TCF7L2: variants seen among roughly 807,000 people sequenced by gnomAD.
TCF7L2 encodes the protein transcription factor 7-like 2.
In TCF7L2, 23 loss-of-function variants were observed where a neutral mutation model predicts 77.9. That is an observed-to-expected ratio of 0.30 (90% confidence interval 0.21 to 0.42). The LOEUF is 0.42. Ranked by LOEUF, TCF7L2 falls within the 10% of genes least tolerant of loss-of-function variation. The pLI, the probability that TCF7L2 is intolerant of heterozygous loss-of-function variation, is 1.00. For synonymous variants in TCF7L2, 413 were observed against 340.2 expected (o/e 1.21, Z -2.36); for missense variants, 654 against 793.1 (o/e 0.82, Z 2.11).
chr10:113,051,203 C>CCCCA (rs1554977842), intron 5 of TCF7L2, among the ~76,000 whole-genome samples: 1 of 140,390 alleles, frequency 7.1e-6, no homozygotes. Context: ...TGCATACACA[C>CCCCA]CACACACACA....
rs181893384 is a variant in TCF7L2 at position 113,044,040 on chromosome 10, G to A, written c.552+3914G>A. ...CAAAAGTTCCTACAATTTTATCTTGGGGGTTTCCTTTTGAAGTCGATGTAG... is the reference window on the plus strand; with the variant it reads ...CAAAAGTTCCTACAATTTTATCTTGAGGGTTTCCTTTTGAAGTCGATGTAG... On this transcript the variant is annotated intron_variant, in intron 5 of 13. Coordinates refer to ENST00000627217, the MANE Select transcript of TCF7L2 (RefSeq NM_001146274.2). Among the ~76,000 whole-genome samples, 397 of 152,262 alleles carry A rather than the reference G, an allele frequency of 2.6e-3. 1 individual carries two copies. The highest frequency in any genetic ancestry group is 9.1e-3 in the African/African-American group (376 of 41,538).
At chr10:113,134,207 G>C (rs1417087307) in intron 5 of TCF7L2, among the ~76,000 whole-genome samples, 2 of 152,210 alleles carry the variant, frequency 1.3e-5, no homozygotes. Flanking sequence ...CATGGGTCCT[G>C]GCTAGCTGCG....
At chr10:113,132,528 T>G (rs1301214125) in intron 5 of TCF7L2, among the ~76,000 whole-genome samples, 2 of 152,176 alleles carry the variant, frequency 1.3e-5, no homozygotes, top group Non-Finnish European at 2.9e-5. Flanking sequence ...GATTTGGGGT[T>G]GTTGTATTTG....
chr10:113,116,588 T>C (rs1351440337), intron 5 of TCF7L2, among the ~76,000 whole-genome samples: 1 of 152,220 alleles, frequency 6.6e-6, no homozygotes, highest in African/African-American at 2.4e-5. Context: ...GTGAAATCGT[T>C]GTTTATAAGA....
At chr10:113,055,858 A>G (rs1433333865) in intron 5 of TCF7L2, among the ~76,000 whole-genome samples, 1 of 152,232 alleles carries the variant, frequency 6.6e-6, no homozygotes, top group Non-Finnish European at 1.5e-5. Context: ...TTCTGCAGAT[A>G]GTTGGTGCAG....
chr10:112,962,637 C>T (rs559080105), intron 3 of TCF7L2, among the ~76,000 whole-genome samples: 46 of 152,044 alleles, frequency 3.0e-4, no homozygotes, highest in African/African-American at 1.1e-3. Context: ...TCACTCTTAC[C>T]GCCTAGGCTG....
At chr10:113,143,379 A>T (rs1030079568) in intron 6 of TCF7L2, among the ~76,000 whole-genome samples, 1 of 152,268 alleles carries the variant, frequency 6.6e-6, no homozygotes. Flanking sequence ...ATGGCATTTG[A>T]TCAGTTTCTC....
At chr10:113,027,918 C>T (rs1056126217) in intron 4 of TCF7L2, among the ~76,000 whole-genome samples, 1 of 152,148 alleles carries the variant, frequency 6.6e-6, no homozygotes, top group Non-Finnish European at 1.5e-5. Flanking sequence ...TGTGGACTTC[C>T]TTGAGTGACT....
At chr10:113,092,432 C>G (rs971745850) in intron 5 of TCF7L2, among the ~76,000 whole-genome samples, 2 of 152,210 alleles carry the variant, frequency 1.3e-5, no homozygotes, top group African/African-American at 4.8e-5. Flanking sequence ...CTGGTGGGCT[C>G]AGACTGGTGC....
chr10:112,961,889 GTGTA>G (rs936604248), intron 3 of TCF7L2, among the ~76,000 whole-genome samples: 2 of 146,938 alleles, frequency 1.4e-5, no homozygotes, highest in African/African-American at 2.7e-5. Flanking sequence ...TCGCGTGTGC[GTGTA>G]TGTGTGTGTG....
chr10:113,139,145 G>C (rs2067898075), intron 5 of TCF7L2, among the ~76,000 whole-genome samples: 1 of 152,168 alleles, frequency 6.6e-6, no homozygotes, highest in South Asian at 2.1e-4. Flanking sequence ...GAGCTGGTCT[G>C]CTTTCTTTCA....
intron 4 of TCF7L2, among the ~76,000 whole-genome samples, chr10:113,013,699 T>G (rs1282135723): frequency 6.6e-6 from 1 of 152,200 alleles, no homozygotes; most frequent in Non-Finnish European, 1.5e-5. Context: ...GAAAGAACTT[T>G]AGAGCAAAGA....
chr10:113,075,819 T>TTTTG (rs901565680), intron 5 of TCF7L2, among the ~76,000 whole-genome samples: 4 of 152,156 alleles, frequency 2.6e-5, no homozygotes, highest in African/African-American at 4.8e-5. Context: ...CCTAATAGTT[T>TTTTG]TTTGTTTGTT....
chr10:113,111,264 T>C (rs2063097633), intron 5 of TCF7L2, among the ~76,000 whole-genome samples: 1 of 152,168 alleles, frequency 6.6e-6, no homozygotes, highest in Non-Finnish European at 1.5e-5. Flanking sequence ...CAGTTGTAAA[T>C]AATTATCTCC....
chr10:112,994,324 A>G (rs2043103109), intron 4 of TCF7L2, among the ~76,000 whole-genome samples: 2 of 152,132 alleles, frequency 1.3e-5, no homozygotes, highest in South Asian at 4.1e-4. Context: ...GTATCATAAA[A>G]TCTATGGGCT....
intron 3 of TCF7L2, among the ~76,000 whole-genome samples, chr10:112,961,588 T>G (rs2134492546): frequency 1.3e-5 from 2 of 152,260 alleles, no homozygotes; most frequent in Admixed American, 1.3e-4. Flanking sequence ...AGTATGCATT[T>G]TCGAAAGAAA....
At chr10:112,989,646 A>C (rs1434641573) in intron 4 of TCF7L2, among the ~76,000 whole-genome samples, 1 of 152,154 alleles carries the variant, frequency 6.6e-6, no homozygotes, top group East Asian at 1.9e-4. Flanking sequence ...CATATTATAA[A>C]TAGGCGCGTT....
chr10:113,103,462 C>T (rs1343152317), intron 5 of TCF7L2, among the ~76,000 whole-genome samples: 2 of 151,522 alleles, frequency 1.3e-5, no homozygotes, highest in South Asian at 2.1e-4. Context: ...GCTTGGATCC[C>T]GCGAAGTAAG....
At chr10:112,962,747 C>G (rs551925079) in intron 3 of TCF7L2, among the ~76,000 whole-genome samples, 1 of 152,068 alleles carries the variant, frequency 6.6e-6, no homozygotes, top group Non-Finnish European at 1.5e-5. Flanking sequence ...TATAGGCGCC[C>G]GCCACCACGC....
Sources: gnomAD v4.1 joint callset for allele counts (sites outside exome capture counted in the v4.1 genomes callset) on GRCh38, gnomAD v4.1.1 for gene constraint, MANE v1.5 for transcripts, NCBI Gene and HGNC (gene_info 2026-07-23, HGNC 2026-07-21) for gene names.